Variants in HTT observed in about 807,000 individuals in gnomAD.
The protein encoded by HTT is huntington disease protein.
Under a neutral mutation model 362.3 loss-of-function variants are expected in HTT, and 104 were observed. That is an observed-to-expected ratio of 0.29 (90% CI 0.24 to 0.34). The LOEUF is 0.34. Ranked by LOEUF, HTT falls within the 10% of genes least tolerant of loss-of-function variation. The pLI is 1.00. For missense variants in HTT, 3,301 were observed against 3,928.6 expected (o/e 0.84, Z 4.27); for synonymous variants, 1,577 against 1,548.7 (o/e 1.02, Z -0.43).
chr4:3,229,185 AC>A (rs902398422), intron 59 of HTT, among the ~76,000 whole-genome samples, 176 bp downstream of exon 59: 1 of 150,248 alleles, frequency 6.7e-6, no homozygotes, highest in African/African-American at 2.5e-5. Flanking sequence ...TGCCACATGC[AC>A]ACACATACAC....
intron 29 of HTT, among the ~76,000 whole-genome samples, chr4:3,165,964 T>TTG (rs1717682808): frequency 6.6e-6 from 1 of 151,940 alleles, no homozygotes; most frequent in African/African-American, 2.4e-5. Flanking sequence ...TGGTGAGGAG[T>TTG]TGTGATCCTT....
chr4:3,159,317 C>A (rs1450624074), intron 28 of HTT, among the ~76,000 whole-genome samples: 1 of 152,234 alleles, frequency 6.6e-6, no homozygotes, highest in Non-Finnish European at 1.5e-5. Flanking sequence ...TAGAACTTCC[C>A]ATGGTGAACT....
chr4:3,095,391 C>T (rs779265521), intron 2 of HTT, among the ~76,000 whole-genome samples: 6 of 152,200 alleles, frequency 3.9e-5, no homozygotes, highest in African/African-American at 7.2e-5. Context: ...TCAGACATGG[C>T]GGTGCGTGCC....
chr4:3,156,829 G>A (rs1717172737), intron 27 of HTT, among the ~76,000 whole-genome samples: 3 of 152,118 alleles, frequency 2.0e-5, no homozygotes, highest in Admixed American at 2.0e-4. Context: ...AAGCAAACAA[G>A]CAATCATAAC....
chr4:3,133,597 T>C (rs1715928492), intron 18 of HTT, among the ~76,000 whole-genome samples: 1 of 152,028 alleles, frequency 6.6e-6, no homozygotes, highest in Non-Finnish European at 1.5e-5. Context: ...TTAGGGATTA[T>C]TTACTCAACC....
At chr4:3,177,032 T>C (rs1718274310) in intron 33 of HTT, among the ~76,000 whole-genome samples, 1 of 152,234 alleles carries the variant, frequency 6.6e-6, no homozygotes, top group Non-Finnish European at 1.5e-5. Context: ...TATCTGCCAT[T>C]AACGTGAACA....
chr4:3,197,824 T>C (rs913200640), intron 40 of HTT, among the ~76,000 whole-genome samples: 2 of 152,140 alleles, frequency 1.3e-5, no homozygotes, highest in Admixed American at 1.3e-4. Flanking sequence ...TGGGTTTCTA[T>C]TACCTGTTCA....
chr4:3,074,938 A>ACCGCCGCC lies in HTT; in HGVS notation c.113_114insCCGCCGCC (p.Gln38HisfsTer66), dbSNP rs1560535217. 2.4e-6 allele frequency: 3 copies of ACCGCCGCC among 1,272,134 alleles called. No individual in the cohort carries two copies. The highest frequency in any genetic ancestry group is 2.5e-5 in the Admixed American group (1 of 40,190). The allele number at this position is 1,272,134 out of a possible 1,614,324, so 78.8% of individuals were successfully genotyped here. A position where few individuals can be genotyped will look rare whatever the true frequency, so the allele number is the denominator to read the frequency against. On this transcript the variant is annotated frameshift_variant, in exon 1 of 67. Coordinates refer to ENST00000355072, the MANE Select transcript of HTT (RefSeq NM_001388492.1). LOFTEE classifies it high-confidence loss of function. Reference sequence around the variant, plus strand: ...CAGCAGCAGCAGCAGCAGCAGCAACAGCCGCCACCGCCGCCGCCGCCGCCG... The same window carrying ACCGCCGCC: ...CAGCAGCAGCAGCAGCAGCAGCAACACCGCCGCCGCCGCCACCGCCGCCGCCGCCGCCG...
At chr4:3,136,175 A>T (rs1560563736) in intron 20 of HTT, 51 bp from the exon 21 acceptor site, 1 of 1,300,504 alleles carries the variant, frequency 7.7e-7, no homozygotes, top group Non-Finnish European at 1.1e-6. Flanking sequence ...CTTACCTAAA[A>T]TTTAGTCAAA....
chr4:3,188,505 A>G, intron 39 of HTT: 1 of 166,494 alleles, frequency 6.0e-6, no homozygotes, highest in South Asian at 1.6e-4. Context: ...CTGTGACTTC[A>G]TGCAGCCTTC....
In HTT at chr4:3,172,986, C is replaced by G. The variant is rs370058955; in HGVS notation, c.4021C>G (p.Arg1341Gly). Residue 1341 changes from arginine to glycine, a missense_variant, in exon 31 of 67, where the codon CGA (arginine) becomes GGA (glycine). Arg to Gly is a moderately radical substitution (Grantham distance 125). Around this residue, in one of 4 missense-constraint regions of HTT, gnomAD observed 2,316 missense variants for 2,658.5 expected, o/e 0.87. Coordinates refer to ENST00000355072, the MANE Select transcript of HTT (RefSeq NM_001388492.1). ...TTCCAACCCCAGCAAGTCACAAGGC[C>G]GAGCACAGCGCCTTGGCTCCTCCAG... ...LSSNPSKSQG[R>G]AQRLGSSSVR... is the part of the protein sequence containing the mutation. The G allele has an allele frequency of 1.2e-6, 2 of 1,614,068 alleles. No homozygotes were observed. The highest frequency in any genetic ancestry group is 1.7e-6 in the Non-Finnish European group (2 of 1,180,048).
At chr4:3,150,144 T>A (rs1051694658) in intron 26 of HTT, among the ~76,000 whole-genome samples, 1 of 152,180 alleles carries the variant, frequency 6.6e-6, no homozygotes, top group Non-Finnish European at 1.5e-5. Context: ...CTCTTTGTAG[T>A]CTCTGGGCCA....
chr4:3,228,555 A>C lies in HTT; in HGVS notation c.7849-60A>C. On this transcript the variant is annotated intron_variant, in intron 57 of 66. Transcript: ENST00000355072. This position sits in a 1 kb window ranked among gnomAD's most constrained non-coding sequence, Gnocchi z 4.3. ...GTGCTGAGTCCCAGTGGCCACACCCACCCACCAGGAGCCTGGCACTGTGGC... is the reference window on the plus strand; with the variant it reads ...GTGCTGAGTCCCAGTGGCCACACCCCCCCACCAGGAGCCTGGCACTGTGGC... 1 of 1,504,804 alleles carries C rather than the reference A, an allele frequency of 6.6e-7. No homozygotes were observed. Among genetic ancestry groups the C allele is most frequent in the Non-Finnish European group, 8.9e-7 (1 of 1,126,536 alleles). 93.2% of individuals were successfully genotyped at this position (1,504,804 alleles called of 1,614,324 possible).
Position 3,174,819 on chromosome 4 carries a change from G to A in HTT, c.4245+20G>A, listed in dbSNP as rs146722249. The A allele has an allele frequency of 1.7e-4, 274 of 1,610,946 alleles. No individual in the cohort carries two copies. The African/African-American group carries it at 2.6e-3, about 15-fold the overall frequency. On this transcript the variant is annotated intron_variant, in intron 32 of 66. Coordinates refer to ENST00000355072, the MANE Select transcript of HTT (RefSeq NM_001388492.1). ...GATAAGGTAAATGGTGCCGTTTGTG[G>A]CATGTGAACTCAGGCGTGTCAGTGC...
chr4:3,192,250 A>AT (rs1360592298), intron 40 of HTT, among the ~76,000 whole-genome samples: 1 of 152,012 alleles, frequency 6.6e-6, no homozygotes, highest in Non-Finnish European at 1.5e-5. Flanking sequence ...AGGTTTTAAA[A>AT]TTTTTTTGTA....
chr4:3,137,138 C>T (rs1446746672), intron 21 of HTT, among the ~76,000 whole-genome samples: 1 of 151,830 alleles, frequency 6.6e-6, no homozygotes, highest in Non-Finnish European at 1.5e-5. Context: ...GAACTTCTGA[C>T]CCCGTGATCC....
At chr4:3,103,048 G>A (rs1308559117) in intron 3 of HTT, among the ~76,000 whole-genome samples, 1 of 151,888 alleles carries the variant, frequency 6.6e-6, no homozygotes, top group Non-Finnish European at 1.5e-5. Flanking sequence ...AGTGTTCTAG[G>A]CCAGAGCGAG....
At chr4:3,200,928 T>A (rs1719503242) in intron 41 of HTT, among the ~76,000 whole-genome samples, 1 of 152,226 alleles carries the variant, frequency 6.6e-6, no homozygotes, top group African/African-American at 2.4e-5. Context: ...CAGCTGCGGA[T>A]TCAGCAGATC....
In HTT at chr4:3,212,180, A is replaced by G. The variant is rs771706065; in HGVS notation, c.6628+38A>G. On this transcript the variant is annotated intron_variant, in intron 48 of 66. Transcript: ENST00000355072. ...AAAATTTATCTTATTTTTAAAAAGCATTCCAGGGCCAGTATAGTACTTTGC... is the reference window on the plus strand; with the variant it reads ...AAAATTTATCTTATTTTTAAAAAGCGTTCCAGGGCCAGTATAGTACTTTGC... 1.4e-5 allele frequency: 21 copies of G among 1,471,828 alleles called. No homozygotes were observed. The East Asian group carries it at 4.2e-4, about 29-fold the overall frequency. The allele number at this position is 1,471,828 out of a possible 1,614,324, so 91.2% of individuals were successfully genotyped here. A position where few individuals can be genotyped will look rare whatever the true frequency, so the allele number is the denominator to read the frequency against.
Sources: allele counts gnomAD v4.1 joint callset (sites outside exome capture counted in the v4.1 genomes callset), GRCh38; gene constraint gnomAD v4.1.1; regional missense constraint gnomAD v4.1.1; non-coding constraint Gnocchi (gnomAD v3.1); transcripts MANE v1.5; gene names NCBI Gene and HGNC (gene_info 2026-07-23, HGNC 2026-07-21).